ARAP1: variants seen among roughly 807,000 people sequenced by gnomAD.
ARAP1 encodes the protein arf-GAP with Rho-GAP domain, ANK repeat and PH domain-containing protein 1.
A neutral mutation model predicts 172.2 loss-of-function variants in ARAP1; 76 were observed. The ratio of observed to expected loss-of-function variants is 0.44; its 90% CI spans 0.37 to 0.53. The LOEUF is 0.53. Ranked by LOEUF, ARAP1 falls within the 20% of genes least tolerant of loss-of-function variation. ARAP1 has a pLI of 0.00. For synonymous variants in ARAP1, 804 were observed against 803.3 expected, an observed-to-expected ratio of 1.00 and a Z score of -0.01; for missense variants, 1,686 against 1,977.5, an observed-to-expected ratio of 0.85 and a Z score of 2.80.
At chr11:72,713,382 G>C (rs904775467) in intron 4 of ARAP1, 139 bp from the exon 5 acceptor site, 1 of 743,646 alleles carries the variant, frequency 1.3e-6, no homozygotes. Context: ...AAAAGGCACA[G>C]GGGACAGGAA....
At chr11:72,745,350 G>A (rs1329409740) in intron 1 of ARAP1, among the ~76,000 whole-genome samples, 1 of 142,290 alleles carries the variant, frequency 7.0e-6, no homozygotes, top group African/African-American at 2.6e-5. Context: ...CACCACGTCC[G>A]GCTAATTTTT....
chr11:72,694,922 G>T, intron 27 of ARAP1, 58 bp downstream of exon 27: 1 of 1,491,228 alleles, frequency 6.7e-7, no homozygotes, highest in South Asian at 1.2e-5. Flanking sequence ...ACAGACTGGG[G>T]CTACAGCTGA....
chr11:72,716,713 C>T (rs1252513599), intron 3 of ARAP1, among the ~76,000 whole-genome samples: 1 of 152,234 alleles, frequency 6.6e-6, no homozygotes, highest in Non-Finnish European at 1.5e-5. Flanking sequence ...ACTGTGAGAC[C>T]CAGTCCTTCA....
At position 72,711,154 on chromosome 11, in the gene ARAP1, C is replaced by T. The variant is rs1442163381; in HGVS notation, c.1093-13G>A. 1.9e-6 allele frequency: 3 copies of T among 1,614,020 alleles called. No homozygotes were observed. The highest frequency in any genetic ancestry group is 2.2e-5 in the South Asian group (2 of 91,072). ...TAGAGTAAGCGTCCTGGGGGAGAGACAGGAACTATATTTTGGGACCCAGCA... is the reference window on the plus strand; with the variant it reads ...TAGAGTAAGCGTCCTGGGGGAGAGATAGGAACTATATTTTGGGACCCAGCA... On this transcript the variant is annotated splice_polypyrimidine_tract_variant and intron_variant, in intron 8 of 34. Transcript: ENST00000393609.
rs1858209191 is a variant in ARAP1, at chr11:72,741,830, C to T, written c.-127-9233G>A. ...CCTGCCCCAAGAGGGAAGGGGAGGC[C>T]GCCAACTGACTCCTCTGTGAGCTCA... On this transcript the variant is annotated intron_variant, in intron 1 of 34. Transcript: ENST00000393609. The surrounding 1 kb of genome is among the most constrained non-coding windows in gnomAD (Gnocchi z 4.5). Among the ~76,000 whole-genome samples the T allele has an allele frequency of 6.6e-6, 1 of 152,100 alleles. No individual in the cohort carries two copies. Among genetic ancestry groups the T allele is most frequent in the African/African-American group, 2.4e-5 (1 of 41,412 alleles).
At chr11:72,727,207 G>A in intron 2 of ARAP1, 35 bp from the exon 3 acceptor site, 1 of 1,452,990 alleles carries the variant, frequency 6.9e-7, no homozygotes, top group Non-Finnish European at 9.1e-7. Flanking sequence ...TCAGAGGCAG[G>A]GCTGCCGAGG....
intron 1 of ARAP1, among the ~76,000 whole-genome samples, chr11:72,751,913 G>A (rs969272017): frequency 3.3e-5 from 5 of 152,250 alleles, no homozygotes; most frequent in African/African-American, 1.2e-4. Context: ...TTGAGATGCA[G>A]AGACCGGAAG....
chr11:72,728,885 A>G (rs1488543694), intron 2 of ARAP1, among the ~76,000 whole-genome samples: 3 of 152,346 alleles, frequency 2.0e-5, no homozygotes, highest in Non-Finnish European at 4.4e-5. Context: ...ACACAATCCA[A>G]TTAAATATGT....
At chr11:72,714,058 A>G (rs1857165208) in intron 4 of ARAP1, 94 bp downstream of exon 4, 1 of 1,299,396 alleles carries the variant, frequency 7.7e-7, no homozygotes, top group South Asian at 1.8e-5. Context: ...GCTTGCACAG[A>G]AAGGAGTGTG....
intron 1 of ARAP1, among the ~76,000 whole-genome samples, chr11:72,745,664 C>T (rs1028675368): frequency 3.9e-5 from 6 of 152,062 alleles, no homozygotes; most frequent in African/African-American, 1.2e-4. Context: ...CTGGGAAGCA[C>T]GACCCCGCCA....
intron 12 of ARAP1, among the ~76,000 whole-genome samples, 186 bp from the exon 13 acceptor site, chr11:72,706,076 C>T (rs755016061): frequency 7.9e-5 from 12 of 152,290 alleles, no homozygotes; most frequent in Non-Finnish European, 1.6e-4. Context: ...GACTGAGCCC[C>T]GTAATCCTTG....
intron 14 of ARAP1, chr11:72,703,417 G>C (rs1346498544): frequency 2.4e-5 from 4 of 167,044 alleles, no homozygotes; most frequent in African/African-American, 1.1e-4. Context: ...CCGGGGGGGG[G>C]GTGTGCTTTG....
chr11:72,731,469 C>T (rs925554606), intron 2 of ARAP1, among the ~76,000 whole-genome samples: 1 of 152,196 alleles, frequency 6.6e-6, no homozygotes, highest in Non-Finnish European at 1.5e-5. Flanking sequence ...ATGTGACATG[C>T]CTGCTCCCGC....
chr11:72,687,003 A>G (rs1166237018), intron 33 of ARAP1, among the ~76,000 whole-genome samples: 1 of 151,998 alleles, frequency 6.6e-6, no homozygotes, highest in Non-Finnish European at 1.5e-5. Flanking sequence ...CACTGTAACA[A>G]TCTGTGCTTC....
At chr11:72,745,165 G>A (rs920103217) in intron 1 of ARAP1, among the ~76,000 whole-genome samples, 1 of 149,744 alleles carries the variant, frequency 6.7e-6, no homozygotes, top group Admixed American at 6.6e-5. Context: ...AACCCACACA[G>A]CAGCCCAAGT....
At chr11:72,703,217 T>G in intron 14 of ARAP1, 138 bp from the exon 15 acceptor site, 8 of 850,078 alleles carry the variant, frequency 9.4e-6, no homozygotes, top group East Asian at 5.9e-5. Context: ...AAAGAGAGAA[T>G]AGGAAGGAAG....
chr11:72,693,243 A>G lies in ARAP1; in HGVS notation c.3954+82T>C. 6.5e-7 allele frequency: 1 copy of G among 1,536,988 alleles called. No individual in the cohort carries two copies. The highest frequency in any genetic ancestry group is 8.8e-7 in the Non-Finnish European group (1 of 1,131,724). On this transcript the variant is annotated intron_variant, in intron 29 of 34. Transcript: ENST00000393609. The surrounding 1 kb of genome is among the most constrained non-coding windows in gnomAD (Gnocchi z 4.6). The stretch of plus-strand genomic sequence containing the variant: ...GAGAGCCTGTAACGGGAATATTTCC[A>G]CTTGCAGACCAAGGGGAATCTCTGA...
rs141781156 is a variant in ARAP1, at chr11:72,731,404, T to C, written c.-45+1111A>G. On this transcript the variant is annotated intron_variant, in intron 2 of 34. Coordinates refer to ENST00000393609, the MANE Select transcript of ARAP1 (RefSeq NM_001040118.3). ...AGTGAGTTATCACTCTATTTGTTCA[T>C]GTAAGAGCTAGCTGGTTAAAAGAGC... 7.9e-4 allele frequency among the ~76,000 whole-genome samples: 120 copies of C among 152,288 alleles called. 2 individuals are homozygous for C. The highest frequency in any genetic ancestry group is 3.4e-3 in the Middle Eastern group (1 of 294).
chr11:72,710,214 A>G lies in ARAP1; in HGVS notation c.1416+171T>C, dbSNP rs1003846374. Among the ~76,000 whole-genome samples, 4 of 151,944 alleles carry G rather than the reference A, an allele frequency of 2.6e-5. No individual in the cohort carries two copies. Among genetic ancestry groups the G allele is most frequent in the Non-Finnish European group, 5.9e-5 (4 of 67,934 alleles). On this transcript the variant is annotated intron_variant, in intron 10 of 34. Transcript: ENST00000393609. This position sits in a 1 kb window ranked among gnomAD's most constrained non-coding sequence, Gnocchi z 4.3. ...GGGCAGGGACTGGAGGGCAGTGCTC[A>G]GAGCCTGGGGGAAGTGGTCAGAACT...
Sources: gnomAD v4.1 joint callset for allele counts (sites outside exome capture counted in the v4.1 genomes callset) on GRCh38, gnomAD v4.1.1 for gene constraint, Gnocchi (gnomAD v3.1) non-coding constraint, MANE v1.5 for transcripts, NCBI Gene and HGNC (gene_info 2026-07-23, HGNC 2026-07-21) for gene names.